ESR1: variants seen among roughly 807,000 people sequenced by gnomAD.
The protein encoded by ESR1 is estrogen receptor 1.
In ESR1, 12 loss-of-function variants were observed where a neutral mutation model predicts 52.7. The ratio of observed to expected loss-of-function variants is 0.23; its 90% CI spans 0.15 to 0.37. The LOEUF (loss-of-function observed/expected upper bound fraction) is 0.37. ESR1 is among the 10% of genes least tolerant of loss of function. The probability of loss-of-function intolerance (pLI) is 1.00; values close to 1 mark genes in which losing one functional copy is unlikely to be tolerated. For missense variants in ESR1, 584 were observed against 779.7 expected, an observed-to-expected ratio of 0.75 and a Z score of 2.99; for synonymous variants, 305 against 316.8, an observed-to-expected ratio of 0.96 and a Z score of 0.39.
chr6:151,763,546 T>A (rs1006368330), intron 2 of ESR1, among the ~76,000 whole-genome samples: 1 of 152,188 alleles, frequency 6.6e-6, no homozygotes, highest in African/African-American at 2.4e-5. Flanking sequence ...GTGGTGTTAG[T>A]CAGGGATTAC....
chr6:151,667,507 C>G (rs1777873692), intron 1 of ESR1, among the ~76,000 whole-genome samples: 1 of 152,168 alleles, frequency 6.6e-6, no homozygotes, highest in East Asian at 1.9e-4. Flanking sequence ...CAGCACAGGT[C>G]TTCTATAATT....
chr6:151,836,748 T>A (rs1783402955), intron 1 of ESR1, among the ~76,000 whole-genome samples: 1 of 152,192 alleles, frequency 6.6e-6, no homozygotes, highest in Non-Finnish European at 1.5e-5. Context: ...TGAGTGTACA[T>A]AGCTTTGGGG....
intron 2 of ESR1, among the ~76,000 whole-genome samples, chr6:151,744,964 A>C (rs1464561618): frequency 1.3e-5 from 2 of 152,020 alleles, no homozygotes; most frequent in Non-Finnish European, 2.9e-5. Flanking sequence ...TGTTTAGTCC[A>C]TTTTCATCCT....
chr6:151,837,164 G>C (rs961617006), intron 1 of ESR1, among the ~76,000 whole-genome samples: 4 of 138,928 alleles, frequency 2.9e-5, no homozygotes, highest in African/African-American at 8.2e-5. Flanking sequence ...GCACTGGCAC[G>C]ATCTAGGCTC....
Position 152,094,038 on chromosome 6 carries a change from T to C in ESR1, c.1370-347T>C, listed in dbSNP as rs932072556. ...ACAACAGTGGCTGCTCACAGGGTTG[T>C]CAGTTACATGGTCAATTACATTACA... On this transcript the variant is annotated intron_variant, in intron 6 of 7. Transcript: ENST00000206249. This position sits in a 1 kb window ranked among gnomAD's most constrained non-coding sequence, Gnocchi z 4.6. Among the ~76,000 whole-genome samples the C allele has an allele frequency of 6.6e-6, 1 of 152,194 alleles. No homozygotes were observed. Among genetic ancestry groups the C allele is most frequent in the African/African-American group, 2.4e-5 (1 of 41,452 alleles).
intron 4 of ESR1, among the ~76,000 whole-genome samples, chr6:151,948,325 C>T (rs2035943506): frequency 6.6e-6 from 1 of 152,142 alleles, no homozygotes; most frequent in South Asian, 2.1e-4. Context: ...CAATTTTATA[C>T]TTCAAGTCTG....
intron 4 of ESR1, among the ~76,000 whole-genome samples, chr6:151,989,863 G>A (rs1324674123): frequency 3.9e-5 from 6 of 151,992 alleles, no homozygotes; most frequent in Non-Finnish European, 8.8e-5. Context: ...TGTCTTAAGG[G>A]TAGGGTAGAT....
At chr6:152,001,024 A>G (rs2041903384) in intron 4 of ESR1, among the ~76,000 whole-genome samples, 1 of 152,054 alleles carries the variant, frequency 6.6e-6, no homozygotes, top group African/African-American at 2.4e-5. Context: ...TTAGGGAGCC[A>G]ACATTGTTGA....
At chr6:152,015,066 GAA>G (rs1425097687) in intron 5 of ESR1, among the ~76,000 whole-genome samples, 1 of 151,994 alleles carries the variant, frequency 6.6e-6, no homozygotes, top group Non-Finnish European at 1.5e-5. Flanking sequence ...CTCAAAAAAA[GAA>G]AAGAAAATAC....
At chr6:151,884,621 A>G (rs1170298565) in intron 3 of ESR1, among the ~76,000 whole-genome samples, 1 of 152,248 alleles carries the variant, frequency 6.6e-6, no homozygotes, top group Non-Finnish European at 1.5e-5. Context: ...CCATGAACTA[A>G]CAATTTTAAT....
chr6:151,929,583 ACTGCACATT>A (rs2033278472), intron 3 of ESR1, among the ~76,000 whole-genome samples: 1 of 152,194 alleles, frequency 6.6e-6, no homozygotes, highest in African/African-American at 2.4e-5. Context: ...ATGGAACAAA[ACTGCACATT>A]CTGCACATGT....
rs1283654614 is a variant in ESR1 at position 152,098,241 on chromosome 6, G to A, written c.1554-491G>A. 1.3e-5 allele frequency among the ~76,000 whole-genome samples: 2 copies of A among 152,118 alleles called. No homozygotes were observed. Among genetic ancestry groups the A allele is most frequent in the Admixed American group, 1.3e-4 (2 of 15,274 alleles). ...TTGAACATGGAAAGGCATTTAGATCGTATTCTGAGTTAAATGGGAAGTGAC... is the reference window on the plus strand; with the variant it reads ...TTGAACATGGAAAGGCATTTAGATCATATTCTGAGTTAAATGGGAAGTGAC... On this transcript the variant is annotated intron_variant, in intron 7 of 7. Transcript: ENST00000206249. The surrounding 1 kb of genome is among the most constrained non-coding windows in gnomAD (Gnocchi z 5.1).
chr6:151,750,724 T>G (rs73780857), intron 2 of ESR1, among the ~76,000 whole-genome samples: 6,137 of 152,256 alleles, frequency 0.04, 380 homozygotes, highest in African/African-American at 0.14. Context: ...AATGTGCAAT[T>G]TTTGAAGATA....
intron 4 of ESR1, among the ~76,000 whole-genome samples, chr6:152,005,750 A>G (rs991403268): frequency 6.6e-6 from 1 of 152,064 alleles, no homozygotes; most frequent in African/African-American, 2.4e-5. Flanking sequence ...AGAAGAATTG[A>G]AAGTCAGGTC....
rs1335527312 is a variant in ESR1, at chr6:151,657,500, G to A, written n.73+737G>A. Among the ~76,000 whole-genome samples the A allele has an allele frequency of 2.6e-5, 4 of 152,136 alleles. No individual in the cohort carries two copies. The East Asian group carries it at 5.8e-4, about 22-fold the overall frequency. ...AAATTGTTCTTAAATTTTATTGTTG[G>A]ATAATGTTGCTGTACTAACATGGTT... is the stretch of plus-strand genomic sequence containing the variant. On this transcript the variant is annotated intron_variant and non_coding_transcript_variant, in intron 1 of 2. Transcript: ENST00000473497.
At chr6:151,887,066 C>T (rs1793978978) in intron 3 of ESR1, among the ~76,000 whole-genome samples, 1 of 151,212 alleles carries the variant, frequency 6.6e-6, no homozygotes, top group Admixed American at 6.6e-5. Flanking sequence ...AGTATACAAC[C>T]AATTATTAAT....
At chr6:152,056,046 G>A (rs1350016706) in intron 5 of ESR1, among the ~76,000 whole-genome samples, 1 of 152,170 alleles carries the variant, frequency 6.6e-6, no homozygotes. Context: ...TTAGTAAATG[G>A]TGGCATCAAG....
At chr6:151,809,027 A>G (rs757654189) in intron 1 of ESR1, 21 of 266,674 alleles carry the variant, frequency 7.9e-5, no homozygotes, top group Non-Finnish European at 1.4e-4. Flanking sequence ...GCTGGAGCGG[A>G]TTGCTGGCAT....
intron 4 of ESR1, among the ~76,000 whole-genome samples, chr6:151,977,282 C>T (rs371844916): frequency 6.6e-6 from 1 of 151,884 alleles, no homozygotes; most frequent in African/African-American, 2.4e-5. Context: ...TTGGGGTGAC[C>T]GAGAAATGAA....
Sources: gnomAD v4.1 joint callset for allele counts (sites outside exome capture counted in the v4.1 genomes callset) on GRCh38, gnomAD v4.1.1 for gene constraint, Gnocchi (gnomAD v3.1) non-coding constraint, MANE v1.5 for transcripts, NCBI Gene and HGNC (gene_info 2026-07-23, HGNC 2026-07-21) for gene names.